ZNF804B: variants seen among roughly 807,000 people sequenced by gnomAD.
ZNF804B encodes the protein zinc finger 804B.
In ZNF804B, 80 loss-of-function variants were observed where a neutral mutation model predicts 101.4. The observed-to-expected ratio is 0.79, with a 90% confidence interval of 0.66 to 0.95. The LOEUF is 0.95. Ranked by LOEUF, ZNF804B falls within the 40% of genes least tolerant of loss-of-function variation. ZNF804B has a pLI of 0.00. For synonymous variants in ZNF804B, 622 were observed against 558.8 expected (o/e 1.11, Z -1.59); for missense variants, 1,673 against 1,561.9 (o/e 1.07, Z -1.20).
chr7:88,803,957 T>C (rs1350417731), intron 1 of ZNF804B, among the ~76,000 whole-genome samples: 3 of 151,778 alleles, frequency 2.0e-5, no homozygotes, highest in Non-Finnish European at 4.4e-5. Context: ...AAATCAGAAA[T>C]AGGCAGAGAA....
intron 1 of ZNF804B, among the ~76,000 whole-genome samples, chr7:88,929,678 T>C (rs1792854646): frequency 6.6e-6 from 1 of 151,954 alleles, no homozygotes; most frequent in South Asian, 2.1e-4. Context: ...TGATTCTGTC[T>C]GACAAGAGAC....
At chr7:89,099,221 C>A (rs1279892980) in intron 1 of ZNF804B, among the ~76,000 whole-genome samples, 1 of 151,856 alleles carries the variant, frequency 6.6e-6, no homozygotes, top group Non-Finnish European at 1.5e-5. Flanking sequence ...GATTACAGAG[C>A]TAAAACCTGT....
At chr7:89,304,536 TG>T (rs1790532104) in intron 2 of ZNF804B, among the ~76,000 whole-genome samples, 1 of 151,760 alleles carries the variant, frequency 6.6e-6, no homozygotes, top group South Asian at 2.1e-4. Flanking sequence ...TGTATGTGTG[TG>T]TGTGTATGTG....
intron 1 of ZNF804B, among the ~76,000 whole-genome samples, chr7:89,213,835 CT>C (rs1460846337): frequency 6.6e-6 from 1 of 152,140 alleles, no homozygotes; most frequent in Non-Finnish European, 1.5e-5. Context: ...ATAGAACATA[CT>C]TCATAGGGTT....
intron 1 of ZNF804B, among the ~76,000 whole-genome samples, chr7:89,122,636 A>G (rs946464571): frequency 3.3e-5 from 5 of 152,116 alleles, no homozygotes; most frequent in Admixed American, 2.0e-4. Flanking sequence ...CTTGTAGACA[A>G]CTGGTGCCTT....
intron 2 of ZNF804B, among the ~76,000 whole-genome samples, chr7:89,283,399 A>G (rs910607421): frequency 2.6e-5 from 4 of 152,206 alleles, no homozygotes; most frequent in African/African-American, 7.2e-5. Context: ...TAAAAAAACT[A>G]TAAATGTGTA....
At chr7:89,200,095 A>G (rs1384285689) in intron 1 of ZNF804B, among the ~76,000 whole-genome samples, 1 of 151,688 alleles carries the variant, frequency 6.6e-6, no homozygotes, top group Non-Finnish European at 1.5e-5. Flanking sequence ...TGTGAGAGTG[A>G]TATTGTTATC....
At chr7:89,099,337 A>G (rs1790018329) in intron 1 of ZNF804B, among the ~76,000 whole-genome samples, 2 of 152,098 alleles carry the variant, frequency 1.3e-5, no homozygotes, top group Non-Finnish European at 2.9e-5. Flanking sequence ...AAGGGGAAGA[A>G]AAAATAATGT....
At chr7:89,193,752 G>C in intron 1 of ZNF804B, among the ~76,000 whole-genome samples, 1 of 151,974 alleles carries the variant, frequency 6.6e-6, no homozygotes, top group East Asian at 1.9e-4. Context: ...TTGCTATTGT[G>C]AATAGTGCCA....
chr7:89,183,282 C>A (rs983391978), intron 1 of ZNF804B, among the ~76,000 whole-genome samples: 11 of 151,938 alleles, frequency 7.2e-5, no homozygotes, highest in African/African-American at 2.7e-4. Context: ...AAAAAGTGTA[C>A]CGAAGCCAGA....
Position 89,279,181 on chromosome 7 carries a change from T to C in ZNF804B, c.250-48163T>C, listed in dbSNP as rs984935498. Among the ~76,000 whole-genome samples, 386 of 152,212 alleles carry C rather than the reference T, an allele frequency of 2.5e-3. 3 individuals carry two copies. The highest frequency in any genetic ancestry group is 9.0e-3 in the African/African-American group (373 of 41,500). ...TGTTATTGGTGTATAAGAATGCTTGTGATTTTTGCACATTGATTTTGTATC... is the reference window on the plus strand; with the variant it reads ...TGTTATTGGTGTATAAGAATGCTTGCGATTTTTGCACATTGATTTTGTATC... On this transcript the variant is annotated intron_variant, in intron 2 of 3. Coordinates refer to ENST00000333190, the MANE Select transcript of ZNF804B (RefSeq NM_181646.5).
At chr7:89,095,712 C>G (rs968383374) in intron 1 of ZNF804B, among the ~76,000 whole-genome samples, 1 of 152,166 alleles carries the variant, frequency 6.6e-6, no homozygotes, top group Non-Finnish European at 1.5e-5. Flanking sequence ...AGAATCCCAA[C>G]AAGTCAAAAT....
intron 1 of ZNF804B, among the ~76,000 whole-genome samples, chr7:88,870,222 T>A (rs1414899047): frequency 4.0e-5 from 6 of 150,306 alleles, no homozygotes; most frequent in Non-Finnish European, 7.4e-5. Context: ...CCGTCTCTAC[T>A]AAAAATACAA....
chr7:89,226,110 G>A (rs114013462), intron 2 of ZNF804B, among the ~76,000 whole-genome samples: 163 of 151,978 alleles, frequency 1.1e-3, no homozygotes, highest in African/African-American at 3.5e-3. Flanking sequence ...TATGTCAAGC[G>A]TGAAAAAAAG....
intron 2 of ZNF804B, among the ~76,000 whole-genome samples, chr7:89,238,320 A>G (rs1026762070): frequency 6.6e-6 from 1 of 152,170 alleles, no homozygotes; most frequent in Non-Finnish European, 1.5e-5. Context: ...ACTACATCTG[A>G]TGAACATCAT....
intron 1 of ZNF804B, among the ~76,000 whole-genome samples, chr7:89,088,635 C>G (rs1252959409): frequency 1.4e-5 from 2 of 146,226 alleles, no homozygotes; most frequent in African/African-American, 5.1e-5. Flanking sequence ...ACTCCTGCAT[C>G]CTAGATAAGA....
chr7:88,877,024 ATAAT>A (rs1326545109), intron 1 of ZNF804B, among the ~76,000 whole-genome samples: 28 of 67,652 alleles, frequency 4.1e-4, no homozygotes, highest in East Asian at 5.1e-4. Context: ...ATATATATAT[ATAAT>A]ATATATATAT....
chr7:89,262,374 A>G lies in ZNF804B; in HGVS notation c.249+44079A>G, dbSNP rs549873968. Among the ~76,000 whole-genome samples the G allele has an allele frequency of 7.2e-4, 109 of 152,324 alleles. 1 individual carries two copies. The highest frequency in any genetic ancestry group is 9.7e-4 in the Non-Finnish European group (66 of 68,026). On this transcript the variant is annotated intron_variant, in intron 2 of 3. Coordinates refer to ENST00000333190, the MANE Select transcript of ZNF804B (RefSeq NM_181646.5). ...GCAGTTTAGCATAATGGTTAAGAGC[A>G]TGCCCTCTTGAGCCTCAGGTCCAAT... is the stretch of plus-strand genomic sequence containing the variant.
chr7:89,041,662 G>A (rs1789019121), intron 1 of ZNF804B, among the ~76,000 whole-genome samples: 1 of 152,176 alleles, frequency 6.6e-6, no homozygotes, highest in Non-Finnish European at 1.5e-5. Context: ...GAAGTTTGTG[G>A]TAACATCAGG....
Sources: allele counts gnomAD v4.1 joint callset (sites outside exome capture counted in the v4.1 genomes callset), GRCh38; gene constraint gnomAD v4.1.1; transcripts MANE v1.5; gene names NCBI Gene and HGNC (gene_info 2026-07-23, HGNC 2026-07-21).